The following POR variants were observed in gnomAD, a reference collection of about 807,000 sequenced individuals.
POR encodes the protein cytochrome p450 oxidoreductase.
Under a neutral mutation model 84.0 loss-of-function variants are expected in POR, and 56 were observed. The ratio of observed to expected loss-of-function variants is 0.67; its 90% CI spans 0.54 to 0.83. POR has a LOEUF of 0.83. Ranked by LOEUF, POR falls within the 40% of genes least tolerant of loss-of-function variation. The probability of loss-of-function intolerance (pLI) is 0.00; values close to 1 mark genes in which losing one functional copy is unlikely to be tolerated. For missense variants in POR, 938 were observed against 944.3 expected (o/e 0.99, Z 0.09); for synonymous variants, 414 against 400.5 (o/e 1.03, Z -0.40).
intron 8 of POR, among the ~76,000 whole-genome samples, chr7:75,982,691 C>T (rs1554558297): frequency 6.6e-6 from 1 of 152,208 alleles, no homozygotes; most frequent in Non-Finnish European, 1.5e-5. Context: ...CTCTCTGTGC[C>T]CTTGATGGCC....
At chr7:75,977,946 C>A (rs537359978) in intron 3 of POR, among the ~76,000 whole-genome samples, 1 of 152,336 alleles carries the variant, frequency 6.6e-6, no homozygotes, top group African/African-American at 2.4e-5. Context: ...GAATTGGCTG[C>A]AACTCCAGCC....
chr7:75,923,571 A>C (rs1212756330), intron 1 of POR: 1 of 345,450 alleles, frequency 2.9e-6, no homozygotes, highest in Non-Finnish European at 5.5e-6. Flanking sequence ...ATCTTCAAAA[A>C]CTGTAAAGGA....
intron 3 of POR, among the ~76,000 whole-genome samples, chr7:75,972,932 C>T (rs1221380793): frequency 6.6e-6 from 1 of 152,120 alleles, no homozygotes; most frequent in African/African-American, 2.4e-5. Context: ...AAGCCATTCT[C>T]GTGCCTCAGC....
intron 1 of POR, among the ~76,000 whole-genome samples, chr7:75,938,127 T>C (rs541200975): frequency 5.9e-5 from 9 of 152,320 alleles, no homozygotes; most frequent in African/African-American, 2.2e-4. Flanking sequence ...CAGATCTGAC[T>C]CAGCAGCTGC....
intron 12 of POR, 141 bp downstream of exon 12, chr7:75,985,348 C>T: frequency 8.1e-7 from 1 of 1,228,786 alleles, no homozygotes; most frequent in Non-Finnish European, 1.1e-6. Context: ...CAAATGCCTC[C>T]CCAGGCTGTG....
At chr7:75,929,720 G>A (rs1554549948) in intron 1 of POR, among the ~76,000 whole-genome samples, 1 of 152,184 alleles carries the variant, frequency 6.6e-6, no homozygotes, top group African/African-American at 2.4e-5. Flanking sequence ...GTCAGCTTGT[G>A]GAAGAGCTGA....
In POR at chr7:75,983,585, C is replaced by T. The variant is rs1554558465; in HGVS notation, c.896C>T (p.Thr299Ile). The change falls in exon 9 of 16, where the codon ACC becomes ATC. Residue 299 changes from threonine to isoleucine, a missense_variant. Physicochemically the swap from Thr to Ile is moderately conservative, Grantham distance 89. Coordinates refer to ENST00000461988, the MANE Select transcript of POR (RefSeq NM_000941.3). ...ACCAACCGGAAGCTGAACCAGGGAACCGAGCGCCACCTCATGCACCTGGAA... is the reference window on the plus strand; with the variant it reads ...ACCAACCGGAAGCTGAACCAGGGAATCGAGCGCCACCTCATGCACCTGGAA... The T allele has an allele frequency of 2.5e-6, 4 of 1,613,140 alleles. No homozygotes were observed. The highest frequency in any genetic ancestry group is 1.3e-5 in the African/African-American group (1 of 74,998).
intron 2 of POR, among the ~76,000 whole-genome samples, chr7:75,970,125 G>A (rs1554555918): frequency 6.6e-6 from 1 of 152,022 alleles, no homozygotes; most frequent in African/African-American, 2.4e-5. Context: ...AATGGGGCCG[G>A]GCCACTGCGG....
chr7:75,965,121 C>T (rs544145661), intron 2 of POR, among the ~76,000 whole-genome samples: 36 of 152,150 alleles, frequency 2.4e-4, no homozygotes, highest in Admixed American at 4.6e-4. Context: ...GCGGTGGCCC[C>T]ATGAAGCGCC....
rs41295393 is a variant in POR at position 75,956,096 on chromosome 7, C to T, written c.188+1916C>T. On this transcript the variant is annotated intron_variant, in intron 2 of 15. Transcript: ENST00000461988. Reference sequence around the variant, plus strand: ...GAGAAATCACTTGAGGTCAGGAGTTCGAGACCAGCCTGGCCAACATGGCGA... The same window carrying T: ...GAGAAATCACTTGAGGTCAGGAGTTTGAGACCAGCCTGGCCAACATGGCGA... Among the ~76,000 whole-genome samples the T allele has an allele frequency of 6.8e-3, 1,027 of 152,134 alleles. 12 individuals carry two copies. Among genetic ancestry groups the T allele is most frequent in the Middle Eastern group, 0.027 (8 of 294 alleles).
intron 2 of POR, among the ~76,000 whole-genome samples, chr7:75,957,222 G>C (rs540756397): frequency 6.6e-6 from 1 of 152,296 alleles, no homozygotes; most frequent in African/African-American, 2.4e-5. Context: ...TTGGTGTGGG[G>C]ATCAGACCAA....
intron 2 of POR, among the ~76,000 whole-genome samples, chr7:75,960,483 A>T (rs199890428): frequency 1.8e-4 from 27 of 150,654 alleles, no homozygotes; most frequent in East Asian, 1.8e-3. Flanking sequence ...TGGCTTATTT[A>T]TTTTTTTTTA....
chr7:75,948,649 G>C (rs1787284272), intron 1 of POR, among the ~76,000 whole-genome samples: 1 of 152,224 alleles, frequency 6.6e-6, no homozygotes, highest in South Asian at 2.1e-4. Context: ...TGTATGCCAA[G>C]CACTGCCAAT....
intron 10 of POR, 73 bp from the exon 11 acceptor site, chr7:75,984,704 C>A: frequency 2.2e-6 from 3 of 1,373,570 alleles, no homozygotes; most frequent in East Asian, 2.3e-5. Context: ...AAGGTGTCAC[C>A]CCCTCCTGCC....
chr7:75,930,554 G>A lies in POR; in HGVS notation c.-5+15375G>A, dbSNP rs371428711. Reference sequence around the variant, plus strand: ...AAAACGTTTATACTGATGGAGTCTCGCTGTGTCGCCCAGGCTGGAGTGCAG... The same window carrying A: ...AAAACGTTTATACTGATGGAGTCTCACTGTGTCGCCCAGGCTGGAGTGCAG... On this transcript the variant is annotated intron_variant, in intron 1 of 15. Coordinates refer to ENST00000461988, the MANE Select transcript of POR (RefSeq NM_000941.3). Among the ~76,000 whole-genome samples the A allele has an allele frequency of 1.4e-4, 22 of 152,248 alleles. No homozygotes were observed. In the East Asian group the frequency reaches 3.1e-3, roughly 21 times the overall value.
chr7:75,977,764 C>T (rs768437745), intron 3 of POR, among the ~76,000 whole-genome samples: 7 of 151,948 alleles, frequency 4.6e-5, no homozygotes, highest in African/African-American at 1.2e-4. Flanking sequence ...GGCGTCAGAG[C>T]GAGACTCCGT....
At chr7:75,966,489 C>T (rs1453710279) in intron 2 of POR, among the ~76,000 whole-genome samples, 1 of 152,218 alleles carries the variant, frequency 6.6e-6, no homozygotes, top group Non-Finnish European at 1.5e-5. Flanking sequence ...TGCCATCGTG[C>T]CTCTGTGCCT....
intron 4 of POR, among the ~76,000 whole-genome samples, chr7:75,980,012 T>C (rs1788923008): frequency 6.6e-6 from 1 of 152,134 alleles, no homozygotes; most frequent in Non-Finnish European, 1.5e-5. Context: ...GCCTGGGAGC[T>C]TTGGAATGAG....
At position 75,981,486 on chromosome 7, in the gene POR, AGCCGCTCCCCCTCTCCTCTCCTCG is replaced by A; in HGVS notation, c.642-27_642-4del. ...ACCGTTGCCACATGGGCCTCCCCTGAGCCGCTCCCCCTCTCCTCTCCTCGGCCCAGCTTGGAGGAGGACTTCATC... is the reference window on the plus strand; with the variant it reads ...ACCGTTGCCACATGGGCCTCCCCTGAGCCCAGCTTGGAGGAGGACTTCATC... On this transcript the variant is annotated splice_region_variant and splice_polypyrimidine_tract_variant and intron_variant, in intron 6 of 15. Coordinates refer to ENST00000461988, the MANE Select transcript of POR (RefSeq NM_000941.3). The A allele has an allele frequency of 1.9e-6, 3 of 1,592,064 alleles. No homozygotes were observed. The highest frequency in any genetic ancestry group is 2.6e-6 in the Non-Finnish European group (3 of 1,168,272).
Sources: allele counts gnomAD v4.1 joint callset (sites outside exome capture counted in the v4.1 genomes callset), GRCh38; gene constraint gnomAD v4.1.1; transcripts MANE v1.5; gene names NCBI Gene and HGNC (gene_info 2026-07-23, HGNC 2026-07-21).